SGCA: variants seen among roughly 807,000 people sequenced by gnomAD.
The protein encoded by SGCA is alpha-sarcoglycan.
SGCA carries 34 observed loss-of-function variants against 38.1 expected under a neutral mutation model. The ratio of observed to expected loss-of-function variants is 0.89; its 90% CI spans 0.68 to 1.19. The LOEUF (loss-of-function observed/expected upper bound fraction) is 1.19, where lower values mean the gene tolerates loss of function less well. Among genes scored for constraint, SGCA ranks in the 50% most tolerant of loss-of-function variants. The probability of loss-of-function intolerance (pLI) is 0.00; values close to 1 mark genes in which losing one functional copy is unlikely to be tolerated. For synonymous variants in SGCA, 209 were observed against 214.6 expected, an observed-to-expected ratio of 0.97 and a Z score of 0.23; for missense variants, 476 against 524.9, an observed-to-expected ratio of 0.91 and a Z score of 0.91.
chr17:50,167,267 C>T lies in SGCA; in HGVS notation c.38-101C>T, dbSNP rs571892675. On this transcript the variant is annotated intron_variant, in intron 1 of 9. Transcript: ENST00000262018. The surrounding 1 kb of genome is among the most constrained non-coding windows in gnomAD (Gnocchi z 4.5). ...GAGGCAGCAAAGGAAGCGCTTCTCT[C>T]GGTCCCTTAGGGGCTCCAAGGACTT... The T allele has an allele frequency of 1.4e-5, 22 of 1,547,090 alleles. No homozygotes were observed. Among genetic ancestry groups the T allele is most frequent in the East Asian group, 6.8e-5 (3 of 44,118 alleles).
intron 6 of SGCA, chr17:50,169,807 G>A: frequency 2.2e-6 from 1 of 446,268 alleles, no homozygotes; most frequent in East Asian, 4.7e-5. Flanking sequence ...CCAGCGACTG[G>A]TAATTGACAA....
chr17:50,170,405 G>A, intron 7 of SGCA, 54 bp downstream of exon 7: 1 of 1,529,166 alleles, frequency 6.5e-7, no homozygotes, highest in Non-Finnish European at 9.0e-7. Context: ...ACACCCATGG[G>A]ACTCACAGTG....
rs1331759423 is a variant in SGCA at position 50,168,357 on chromosome 17, C to G, written c.386-17C>G. On this transcript the variant is annotated splice_polypyrimidine_tract_variant and intron_variant, in intron 4 of 9. Coordinates refer to ENST00000262018, the MANE Select transcript of SGCA (RefSeq NM_000023.4). ...TGGGGCTGGGTGCAGCCTGAGGTGT[C>G]CACCTGGCCTTCCCAGGCCCCCTGC... 1.3e-6 allele frequency: 2 copies of G among 1,555,948 alleles called. No homozygotes were observed. The highest frequency in any genetic ancestry group is 1.2e-5 in the South Asian group (1 of 84,630).
intron 8 of SGCA, chr17:50,172,300 T>A: frequency 2.2e-6 from 1 of 456,390 alleles, no homozygotes; most frequent in Non-Finnish European, 4.4e-6. Flanking sequence ...CAGAATTCTG[T>A]GTGGGTCACA....
At chr17:50,168,052 C>A (rs747675479) in intron 4 of SGCA, 33 bp downstream of exon 4, 19 of 1,566,742 alleles carry the variant, frequency 1.2e-5, no homozygotes, top group Non-Finnish European at 1.6e-5. Context: ...CCTTCCCCAC[C>A]AATGCCAGTC....
chr17:50,171,055 C>T (rs553418424), intron 8 of SGCA, among the ~76,000 whole-genome samples: 2 of 152,312 alleles, frequency 1.3e-5, no homozygotes, highest in East Asian at 3.9e-4. Flanking sequence ...CAGAGTGAAA[C>T]TCTTTCCCCC....
Position 50,175,343 on chromosome 17 carries a change from T to C in SGCA, c.1070T>C (p.Leu357Pro), listed in dbSNP as rs1018702852. The change falls in exon 9 of 10, where the codon CTC becomes CCC. Residue 357 changes from leucine to proline, a missense_variant. Coordinates refer to ENST00000262018, the MANE Select transcript of SGCA (RefSeq NM_000023.4). Reference sequence around the variant, plus strand: ...GCCAGCCGCGAGGTGCCCCGGCCACTCTCCACCCTGCCCATGTTCAATGTG... The same window carrying C: ...GCCAGCCGCGAGGTGCCCCGGCCACCCTCCACCCTGCCCATGTTCAATGTG... ...MAASREVPRP[L>P]STLPMFNVHT... 6.2e-7 allele frequency: 1 copy of C among 1,612,146 alleles called. No individual in the cohort carries two copies.
intron 8 of SGCA, 91 bp from the exon 9 acceptor site, chr17:50,175,166 G>A: frequency 8.4e-7 from 1 of 1,193,392 alleles, no homozygotes; most frequent in Admixed American, 2.0e-5. Flanking sequence ...TAAGTGGTGG[G>A]GAGGACCGCA....
Position 50,167,898 on chromosome 17 carries a change from C to T in SGCA, c.313-49C>T, listed in dbSNP as rs1355514649. 6.3e-7 allele frequency: 1 copy of T among 1,583,804 alleles called. No individual in the cohort carries two copies. ...CCTCTCCTGCCAGGCCCCCGCTGTG[C>T]CACGTTTCTCCCCTAACCCACTTCT... is the stretch of plus-strand genomic sequence containing the variant. On this transcript the variant is annotated intron_variant, in intron 3 of 9. Transcript: ENST00000262018. The surrounding 1 kb of genome is among the most constrained non-coding windows in gnomAD (Gnocchi z 4.5).
intron 8 of SGCA, chr17:50,171,880 C>A (rs557594242): frequency 1.5e-5 from 7 of 456,666 alleles, no homozygotes; most frequent in Admixed American, 9.4e-5. Context: ...TCACCTTGGA[C>A]GTGCTGGGCT....
chr17:50,170,587 A>G (rs1905296385), intron 7 of SGCA, 53 bp from the exon 8 acceptor site: 1 of 1,545,564 alleles, frequency 6.5e-7, no homozygotes, highest in African/African-American at 1.4e-5. Flanking sequence ...GCCCTGGGGC[A>G]CCTTGGGGCG....
chr17:50,168,040 T>A, intron 4 of SGCA, 21 bp downstream of exon 4: 1 of 1,602,052 alleles, frequency 6.2e-7, no homozygotes, highest in Non-Finnish European at 8.6e-7. Context: ...CTGTGCCCCA[T>A]CCCTTCCCCA....
chr17:50,166,257 G>T, intron 1 of SGCA, 180 bp downstream of exon 1: 1 of 646,666 alleles, frequency 1.5e-6, no homozygotes, highest in Admixed American at 2.6e-5. Context: ...GGGGCTGGGA[G>T]CTGGGCTCTG....
At position 50,166,213 on chromosome 17, in the gene SGCA, G is replaced by GT. The variant is rs1226910974; in HGVS notation, c.37+138dup. 5.4e-6 allele frequency: 4 copies of GT among 744,942 alleles called. 1 individual carries two copies. Among genetic ancestry groups the GT allele is most frequent in the Non-Finnish European group, 9.7e-6 (4 of 412,710 alleles). 46.1% of individuals were successfully genotyped at this position (744,942 alleles called of 1,614,324 possible). On this transcript the variant is annotated intron_variant, in intron 1 of 9. Transcript: ENST00000262018. ...GCAGGCGCCAGAAGGGCTTTGGGGT[G>GT]TTAATGCCATGGCCAGCTGGGGATC... is the stretch of plus-strand genomic sequence containing the variant.
At chr17:50,171,157 A>G (rs1366984342) in intron 8 of SGCA, among the ~76,000 whole-genome samples, 2 of 152,234 alleles carry the variant, frequency 1.3e-5, no homozygotes, top group Admixed American at 6.5e-5. Flanking sequence ...GACTCCCAGT[A>G]TCAGTATGAG....
In SGCA at chr17:50,168,672, C is replaced by T. The variant is rs556348647; in HGVS notation, c.584+100C>T. 1,292 of 1,032,404 alleles carry T rather than the reference C, an allele frequency of 1.3e-3. 3 individuals carry two copies. The highest frequency in any genetic ancestry group is 1.6e-3 in the Non-Finnish European group (1,106 of 682,274). 64.0% of individuals were successfully genotyped at this position (1,032,404 alleles called of 1,614,324 possible). A position where few individuals can be genotyped will look rare whatever the true frequency, so the allele number is the denominator to read the frequency against. On this transcript the variant is annotated intron_variant, in intron 5 of 9. Transcript: ENST00000262018. The stretch of plus-strand genomic sequence containing the variant: ...CTAATTTCCAGGTGGGGCTTTACCA[C>T]GCACATCTCCACCTCCCAGCTTCAC...
Position 50,175,285 on chromosome 17 carries a change from C to A in SGCA, c.1012C>A (p.His338Asn). 6.2e-7 allele frequency: 1 copy of A among 1,607,584 alleles called. No homozygotes were observed. Among genetic ancestry groups the A allele is most frequent in the Non-Finnish European group, 8.5e-7 (1 of 1,177,684 alleles). The change falls in exon 9 of 10, where the codon CAC (histidine) becomes AAC (asparagine). Residue 338 changes from histidine to asparagine, a missense_variant. Coordinates refer to ENST00000262018, the MANE Select transcript of SGCA (RefSeq NM_000023.4). ...DIQMVHHCTI[H>N]GNTEELRQMA... Reference sequence around the variant, plus strand: ...CCAGATGGTCCACCACTGCACCATCCACGGGAACACAGAGGAGCTGCGGCA... The same window carrying A: ...CCAGATGGTCCACCACTGCACCATCAACGGGAACACAGAGGAGCTGCGGCA...
intron 8 of SGCA, among the ~76,000 whole-genome samples, chr17:50,173,215 T>C (rs542817482): frequency 6.6e-6 from 1 of 152,254 alleles, no homozygotes; most frequent in African/African-American, 2.4e-5. Context: ...TTGTTCAATG[T>C]CTGCCACTTT....
intron 6 of SGCA, chr17:50,169,791 C>T (rs1905227759): frequency 2.4e-6 from 1 of 425,116 alleles, no homozygotes; most frequent in Non-Finnish European, 4.4e-6. Flanking sequence ...CATTCAGGGT[C>T]CACAGCCAGC....
Sources: allele counts gnomAD v4.1 joint callset (sites outside exome capture counted in the v4.1 genomes callset), GRCh38; gene constraint gnomAD v4.1.1; non-coding constraint Gnocchi (gnomAD v3.1); transcripts MANE v1.5; gene names NCBI Gene and HGNC (gene_info 2026-07-23, HGNC 2026-07-21).